ZSWIM5: variants seen among roughly 807,000 people sequenced by gnomAD.
The protein encoded by ZSWIM5 is zinc finger SWIM-type containing 5.
Under a neutral mutation model 119.6 loss-of-function variants are expected in ZSWIM5, and 55 were observed. That is an observed-to-expected ratio of 0.46 (90% CI 0.37 to 0.58). The LOEUF is 0.58. ZSWIM5 is among the 20% of genes least tolerant of loss of function. ZSWIM5 has a pLI of 0.00. For missense variants in ZSWIM5, 1,193 were observed against 1,512.8 expected (o/e 0.79, Z 3.51); for synonymous variants, 537 against 606.9 (o/e 0.88, Z 1.69).
At chr1:45,137,242 T>A (rs1645695425) in intron 1 of ZSWIM5, among the ~76,000 whole-genome samples, 1 of 151,976 alleles carries the variant, frequency 6.6e-6, no homozygotes, top group Admixed American at 6.6e-5. Context: ...TTTTTTAGGG[T>A]CTTGCTATGT....
intron 3 of ZSWIM5, among the ~76,000 whole-genome samples, chr1:45,059,670 T>C (rs1295480231): frequency 1.3e-5 from 2 of 152,114 alleles, no homozygotes; most frequent in African/African-American, 4.8e-5. Flanking sequence ...TTGTATAGTA[T>C]ATGAATTATA....
At chr1:45,118,171 C>T (rs1342752175) in intron 1 of ZSWIM5, among the ~76,000 whole-genome samples, 1 of 152,146 alleles carries the variant, frequency 6.6e-6, no homozygotes, top group Non-Finnish European at 1.5e-5. Flanking sequence ...ATGATACTCA[C>T]ATTTGAAGAT....
chr1:45,160,917 G>A (rs537070283), intron 1 of ZSWIM5, among the ~76,000 whole-genome samples: 6 of 150,984 alleles, frequency 4.0e-5, no homozygotes, highest in Non-Finnish European at 8.8e-5. Context: ...CGCCTCCCGG[G>A]TTCACGCCAT....
At chr1:45,042,913 T>G (rs1387107048) in intron 6 of ZSWIM5, among the ~76,000 whole-genome samples, 3 of 152,170 alleles carry the variant, frequency 2.0e-5, no homozygotes, top group Non-Finnish European at 4.4e-5. Flanking sequence ...GCTCAATAAC[T>G]CAGAGAAGCT....
intron 1 of ZSWIM5, among the ~76,000 whole-genome samples, chr1:45,147,933 T>C (rs1645772434): frequency 1.3e-5 from 2 of 152,184 alleles, no homozygotes; most frequent in African/African-American, 4.8e-5. Context: ...AGGGTCAAGA[T>C]GGATATGGCA....
In ZSWIM5 at chr1:45,088,148, T is replaced by C. The variant is rs777386466; in HGVS notation, c.685A>G (p.Lys229Glu). The C allele has an allele frequency of 6.2e-7, 1 of 1,614,220 alleles. No homozygotes were observed. The highest frequency in any genetic ancestry group is 8.5e-7 in the Non-Finnish European group (1 of 1,180,030). ...YKVAISFDRC[K>E]ITSVTCGCGN... ...CAGCCACATGTCACTGAGGTGATTTTGCATCGATCAAAACTGATTGCAACT... is the reference window on the plus strand; with the variant it reads ...CAGCCACATGTCACTGAGGTGATTTCGCATCGATCAAAACTGATTGCAACT... The change falls in exon 2 of 14, where the codon AAA becomes GAA. Residue 229 changes from lysine to glutamate, a missense_variant. Physicochemically the swap from Lys to Glu is moderately conservative, Grantham distance 56. Transcript: ENST00000359600. The surrounding 1 kb of genome is among the most constrained non-coding windows in gnomAD (Gnocchi z 4.2).
rs568271339 is a variant in ZSWIM5, at chr1:45,018,264, A to G, written c.*190T>C. ...AGCTCCTCCATGAACAGTAGGCTGT[A>G]GTCAGAAGCTTGCCAAGGTAGGCAT... On this transcript the variant is annotated 3_prime_UTR_variant, in exon 14 of 14. Coordinates refer to ENST00000359600, the MANE Select transcript of ZSWIM5 (RefSeq NM_020883.2). This position sits in a 1 kb window ranked among gnomAD's most constrained non-coding sequence, Gnocchi z 6.7. 1.3e-3 allele frequency: 882 copies of G among 697,288 alleles called. 13 individuals are homozygous for G. The highest frequency in any genetic ancestry group is 4.0e-4 in the Middle Eastern group (1 of 2,512). 43.2% of individuals were successfully genotyped at this position (697,288 alleles called of 1,614,324 possible).
intron 7 of ZSWIM5, 81 bp downstream of exon 7, chr1:45,040,311 A>C (rs1645011396): frequency 3.6e-6 from 5 of 1,378,228 alleles, no homozygotes; most frequent in Non-Finnish European, 4.8e-6. Context: ...GGAATTCCCT[A>C]GTTCTTCTGG....
At chr1:45,198,637 G>C (rs1317034444) in intron 1 of ZSWIM5, among the ~76,000 whole-genome samples, 1 of 152,132 alleles carries the variant, frequency 6.6e-6, no homozygotes, top group Non-Finnish European at 1.5e-5. Flanking sequence ...GTTTTGATGA[G>C]AAATCATTAG....
At chr1:45,026,342 G>A (rs1035229215) in intron 11 of ZSWIM5, among the ~76,000 whole-genome samples, 29 of 151,958 alleles carry the variant, frequency 1.9e-4, no homozygotes, top group African/African-American at 7.0e-4. Flanking sequence ...GCCGGTAATT[G>A]TAGGTTTTTT....
intron 1 of ZSWIM5, among the ~76,000 whole-genome samples, chr1:45,098,845 A>G (rs1480092437): frequency 6.6e-6 from 1 of 152,234 alleles, no homozygotes; most frequent in East Asian, 1.9e-4. Flanking sequence ...GTTCTTTGAA[A>G]CCAATGAGAA....
At chr1:45,100,415 GA>G (rs1557765729) in intron 1 of ZSWIM5, among the ~76,000 whole-genome samples, 1 of 152,120 alleles carries the variant, frequency 6.6e-6, no homozygotes, top group Non-Finnish European at 1.5e-5. Flanking sequence ...CAAACAAATG[GA>G]AGAACATTCC....
chr1:45,182,297 G>A (rs1486654734), intron 1 of ZSWIM5, among the ~76,000 whole-genome samples: 5 of 151,940 alleles, frequency 3.3e-5, no homozygotes, highest in African/African-American at 9.7e-5. Flanking sequence ...CCAGCTACTC[G>A]GGAGGCTGAG....
chr1:45,051,285 T>A (rs1645087117), intron 4 of ZSWIM5, 32 bp from the exon 5 acceptor site: 1 of 1,599,552 alleles, frequency 6.3e-7, no homozygotes, highest in Non-Finnish European at 8.5e-7. Context: ...ATTCTTAACA[T>A]CTCTCCTTTG....
chr1:45,125,041 A>G (rs771017404), intron 1 of ZSWIM5, among the ~76,000 whole-genome samples: 2 of 151,778 alleles, frequency 1.3e-5, no homozygotes, highest in Admixed American at 6.5e-5. Context: ...AAAATCAACA[A>G]GGAATAAATA....
At chr1:45,064,157 C>T (rs1456245040) in intron 2 of ZSWIM5, among the ~76,000 whole-genome samples, 2 of 152,120 alleles carry the variant, frequency 1.3e-5, no homozygotes, top group Non-Finnish European at 2.9e-5. Context: ...CTCATGTGCT[C>T]AGCATATAAA....
intron 5 of ZSWIM5, among the ~76,000 whole-genome samples, chr1:45,046,982 C>G (rs1396299078): frequency 6.9e-6 from 1 of 144,906 alleles, no homozygotes; most frequent in Non-Finnish European, 1.5e-5. Flanking sequence ...CAAGACCACA[C>G]CAGTGCACTC....
chr1:45,163,273 G>T (rs1438785910), intron 1 of ZSWIM5, among the ~76,000 whole-genome samples: 1 of 152,168 alleles, frequency 6.6e-6, no homozygotes, highest in Non-Finnish European at 1.5e-5. Context: ...CTGTTAAAAG[G>T]AAAAGAAACA....
intron 2 of ZSWIM5, among the ~76,000 whole-genome samples, chr1:45,083,530 G>A (rs531952619): frequency 7.9e-5 from 12 of 152,214 alleles, no homozygotes; most frequent in Admixed American, 3.3e-4. Flanking sequence ...GATTACAAGC[G>A]TTAGCCACCA....
Sources: allele counts gnomAD v4.1 joint callset (sites outside exome capture counted in the v4.1 genomes callset), GRCh38; gene constraint gnomAD v4.1.1; non-coding constraint Gnocchi (gnomAD v3.1); transcripts MANE v1.5; gene names NCBI Gene and HGNC (gene_info 2026-07-23, HGNC 2026-07-21).